Variants in CECR2 observed in about 807,000 individuals in gnomAD.
The protein encoded by CECR2 is chromatin remodeling regulator CECR2.
In CECR2, 30 loss-of-function variants were observed where a neutral mutation model predicts 154.5. The ratio of observed to expected loss-of-function variants is 0.19; its 90% confidence interval spans 0.15 to 0.26. The LOEUF (loss-of-function observed/expected upper bound fraction) is 0.26. Among genes scored for constraint, CECR2 ranks in the 10% least tolerant of loss-of-function variants. CECR2 has a pLI of 1.00. For missense variants in CECR2, 1,743 were observed against 1,829.3 expected, an observed-to-expected ratio of 0.95 and a Z score of 0.86; for synonymous variants, 725 against 683.7, an observed-to-expected ratio of 1.06 and a Z score of -0.94.
rs775117863 is a variant in CECR2 at position 17,538,770 on chromosome 22, T to C, written c.1368+39T>C. On this transcript the variant is annotated intron_variant, in intron 12 of 18. Transcript: ENST00000262608. Reference sequence around the variant, plus strand: ...TTGCAGTAATGCCTACTATAGTGTGTATATCTTTCTTGGGTTTTGTTGTTT... The same window carrying C: ...TTGCAGTAATGCCTACTATAGTGTGCATATCTTTCTTGGGTTTTGTTGTTT... 5 of 1,524,582 alleles carry C rather than the reference T, an allele frequency of 3.3e-6. No individual in the cohort carries two copies. In the South Asian group the frequency reaches 5.8e-5, roughly 18 times the overall value. 94.4% of individuals were successfully genotyped at this position (1,524,582 alleles called of 1,614,324 possible).
intron 1 of CECR2, among the ~76,000 whole-genome samples, chr22:17,465,499 T>A (rs1569099724): frequency 6.6e-6 from 1 of 151,850 alleles, no homozygotes; most frequent in African/African-American, 2.4e-5. Flanking sequence ...TTTTTCCTTT[T>A]TTTGAGACAG....
chr22:17,452,141 C>G (rs769228276), intron 1 of CECR2, among the ~76,000 whole-genome samples: 7 of 152,208 alleles, frequency 4.6e-5, no homozygotes, highest in Non-Finnish European at 1.0e-4. Flanking sequence ...GGCACAATCT[C>G]TGCTCACTGC....
chr22:17,506,724 G>A lies in CECR2; in HGVS notation c.870+1708G>A, dbSNP rs925420661. On this transcript the variant is annotated intron_variant, in intron 7 of 18. Coordinates refer to ENST00000262608, the MANE Select transcript of CECR2 (RefSeq NM_001290047.2). The stretch of plus-strand genomic sequence containing the variant: ...GGTGGAGTGCAGTGGCACAATCTTG[G>A]CCCCCCGCAGCCTCCACCTCCTGGG... Among the ~76,000 whole-genome samples the A allele has an allele frequency of 5.9e-5, 9 of 152,104 alleles. No homozygotes were observed. The South Asian group carries it at 6.2e-4, about 11-fold the overall frequency.
intron 1 of CECR2, among the ~76,000 whole-genome samples, chr22:17,466,064 C>T (rs1365945229): frequency 6.6e-6 from 1 of 152,160 alleles, no homozygotes; most frequent in Non-Finnish European, 1.5e-5. Context: ...CGCCATCACG[C>T]AGGCTGGAGC....
chr22:17,365,522 G>A (rs1455899059), upstream of CECR2, among the ~76,000 whole-genome samples: 2 of 150,876 alleles, frequency 1.3e-5, no homozygotes, highest in Admixed American at 6.6e-5. Context: ...GTGAAACCCC[G>A]TCTCTACTAA....
chr22:17,432,810 G>T (rs1412088209), intron 1 of CECR2, among the ~76,000 whole-genome samples: 1 of 151,952 alleles, frequency 6.6e-6, no homozygotes, highest in East Asian at 1.9e-4. Context: ...TTTTATTTTT[G>T]TATAGGCAGG....
intron 1 of CECR2, among the ~76,000 whole-genome samples, chr22:17,469,571 A>G (rs897855665): frequency 1.3e-5 from 2 of 148,908 alleles, no homozygotes; most frequent in African/African-American, 4.9e-5. Context: ...CATACAGCGC[A>G]TCCTCTTTTG....
intron 1 of CECR2, chr22:17,419,596 TC>T: frequency 3.0e-6 from 1 of 336,770 alleles, no homozygotes; most frequent in South Asian, 5.5e-5. Flanking sequence ...AAACAGTTTC[TC>T]CACTGGAGGT....
At chr22:17,454,147 G>A (rs908340145) in intron 1 of CECR2, among the ~76,000 whole-genome samples, 1 of 152,166 alleles carries the variant, frequency 6.6e-6, no homozygotes, top group Non-Finnish European at 1.5e-5. Context: ...AAATTAGTTA[G>A]TATTAGCCAG....
At chr22:17,497,371 A>C in intron 2 of CECR2, 32 bp from the exon 3 acceptor site, 1 of 1,570,120 alleles carries the variant, frequency 6.4e-7, no homozygotes, top group Non-Finnish European at 8.7e-7. Flanking sequence ...ATTTTATATT[A>C]ATGTATTTTT....
chr22:17,439,845 C>T (rs1294764582), intron 1 of CECR2, among the ~76,000 whole-genome samples: 1 of 152,136 alleles, frequency 6.6e-6, no homozygotes, highest in Non-Finnish European at 1.5e-5. Context: ...GAAAGCCCGT[C>T]ATTAGCGGGG....
Position 17,542,676 on chromosome 22 carries a change from A to G in CECR2, c.2533A>G (p.Lys845Glu). 1 of 1,613,974 alleles carries G rather than the reference A, an allele frequency of 6.2e-7. No homozygotes were observed. Among genetic ancestry groups the G allele is most frequent in the East Asian group, 2.2e-5 (1 of 44,872 alleles). ...CTCAGGGTACATGCGACCGCCCTGC[A>G]AGTCTGCCGGACATCGGTTACAGCC... ...PSSGYMRPPCKSAGHRLQPPP... is the reference protein window; with the variant it reads ...PSSGYMRPPCESAGHRLQPPP... Residue 845 changes from lysine (K) to glutamate (E), a missense_variant, in exon 16 of 19, where the codon AAG becomes GAG. By Grantham distance (56) the Lys-to-Glu change is moderately conservative. Transcript: ENST00000262608.
intron 1 of CECR2, among the ~76,000 whole-genome samples, chr22:17,441,999 A>G (rs188239896): frequency 4.1e-4 from 62 of 152,330 alleles, no homozygotes; most frequent in Admixed American, 8.5e-4. Context: ...AGCGGGTGGC[A>G]GACCTGTTGA....
chr22:17,510,158 A>G (rs531593575), intron 7 of CECR2, among the ~76,000 whole-genome samples: 1 of 152,214 alleles, frequency 6.6e-6, no homozygotes, highest in South Asian at 2.1e-4. Flanking sequence ...GTTCTGTATC[A>G]AGAATAGCAT....
At chr22:17,393,089 C>G (rs1195013378) in intron 1 of CECR2, among the ~76,000 whole-genome samples, 1 of 152,122 alleles carries the variant, frequency 6.6e-6, no homozygotes, top group Non-Finnish European at 1.5e-5. Context: ...CAAATAGTTA[C>G]AACTGTTGCC....
At chr22:17,485,454 A>G (rs1280591206) in intron 2 of CECR2, among the ~76,000 whole-genome samples, 2 of 152,212 alleles carry the variant, frequency 1.3e-5, no homozygotes, top group African/African-American at 4.8e-5. Flanking sequence ...ATTACACCCG[A>G]ACCCAATTAT....
chr22:17,379,815 G>T (rs1014693403), intron 1 of CECR2, among the ~76,000 whole-genome samples: 5 of 151,952 alleles, frequency 3.3e-5, no homozygotes, highest in African/African-American at 1.2e-4. Flanking sequence ...GGGAGCAAAC[G>T]GTATTGTGAG....
intron 1 of CECR2, among the ~76,000 whole-genome samples, chr22:17,446,845 G>C (rs1371431281): frequency 6.6e-6 from 1 of 152,132 alleles, no homozygotes; most frequent in Non-Finnish European, 1.5e-5. Context: ...GAGGTGGCCA[G>C]CTTTATTCCC....
chr22:17,522,233 C>T (rs1601508490), intron 8 of CECR2, among the ~76,000 whole-genome samples: 1 of 152,146 alleles, frequency 6.6e-6, no homozygotes, highest in African/African-American at 2.4e-5. Context: ...TTTTTGGCAT[C>T]AGTATACATC....
Sources: allele counts gnomAD v4.1 joint callset (sites outside exome capture counted in the v4.1 genomes callset), GRCh38; gene constraint gnomAD v4.1.1; transcripts MANE v1.5; gene names NCBI Gene and HGNC (gene_info 2026-07-23, HGNC 2026-07-21).